The following SDR42E2 variants were observed in gnomAD, a reference collection of about 807,000 sequenced individuals.
SDR42E2 encodes the protein short chain dehydrogenase/reductase family 42E, member 2.
A neutral mutation model predicts 10.5 loss-of-function variants in SDR42E2; 20 were observed. That is an observed-to-expected ratio of 1.90 (90% CI 1.34 to 2.77). The LOEUF (loss-of-function observed/expected upper bound fraction) is 2.77, where lower values mean the gene tolerates loss of function less well. Ranked by LOEUF, SDR42E2 falls within the 30% of genes most tolerant of loss-of-function variation. The probability of loss-of-function intolerance (pLI) is 0.00; values close to 1 mark genes in which losing one functional copy is unlikely to be tolerated. For missense variants in SDR42E2, 162 were observed against 104.2 expected (o/e 1.55, Z -2.42); for synonymous variants, 72 against 39.2 (o/e 1.84, Z -3.12).
At chr16:22,180,347 C>T (rs1272301825) in intron 8 of SDR42E2, among the ~76,000 whole-genome samples, 1 of 152,026 alleles carries the variant, frequency 6.6e-6, no homozygotes, top group Admixed American at 6.6e-5. Context: ...CAGCAGTGAG[C>T]TATGATTGCA....
chr16:22,190,394 C>G lies in SDR42E2; in HGVS notation c.*1C>G, dbSNP rs1022032260. 9 of 400,146 alleles carry G rather than the reference C, an allele frequency of 2.2e-5. No homozygotes were observed. Among genetic ancestry groups the G allele is most frequent in the Admixed American group, 4.4e-5 (1 of 22,676 alleles). The allele number at this position is 400,146 out of a possible 1,614,324, so 24.8% of individuals were successfully genotyped here. On this transcript the variant is annotated 3_prime_UTR_variant, in exon 13 of 13. Coordinates refer to ENST00000602312, the MANE Select transcript of SDR42E2 (RefSeq NM_001394319.2). ...GCACGCCGCCGTGGAGCGCCTGTGACCGTCCGCCGTCCGCCGCCCGCTAGG... is the reference window on the plus strand; with the variant it reads ...GCACGCCGCCGTGGAGCGCCTGTGAGCGTCCGCCGTCCGCCGCCCGCTAGG...
At chr16:22,182,654 C>A (rs1376926326) in intron 10 of SDR42E2, among the ~76,000 whole-genome samples, 1 of 152,144 alleles carries the variant, frequency 6.6e-6, no homozygotes, top group Non-Finnish European at 1.5e-5. Flanking sequence ...GGCCTGCGGC[C>A]TTCTCTTCTT....
intron 12 of SDR42E2, among the ~76,000 whole-genome samples, chr16:22,188,620 A>G (rs2046751058): frequency 1.3e-5 from 2 of 152,216 alleles, no homozygotes; most frequent in Admixed American, 6.5e-5. Flanking sequence ...AATCACATCC[A>G]CATAAAATAG....
chr16:22,174,856 C>T (rs1047845360), intron 7 of SDR42E2, among the ~76,000 whole-genome samples: 2 of 152,132 alleles, frequency 1.3e-5, no homozygotes, highest in African/African-American at 4.8e-5. Context: ...CCTCCCCCCA[C>T]TATGCCCAGG....
In SDR42E2 at chr16:22,166,368, T is replaced by G. The variant is rs761699417; in HGVS notation, c.174T>G (p.Thr58=). The change falls in exon 3 of 13, where the codon ACT becomes ACG. Residue 58 remains threonine (T), a synonymous_variant. Coordinates refer to ENST00000602312, the MANE Select transcript of SDR42E2 (RefSeq NM_001394319.2). The stretch of plus-strand genomic sequence containing the variant: ...GATCCCACCTAGCCAAGAGCGGCAC[T>G]TCCGTCATTCTGCTTGACCGCCGCA... ...SLGSHLAKSG[T]SVILLDRRRP... 1.2e-5 allele frequency: 5 copies of G among 402,434 alleles called. No homozygotes were observed. The highest frequency in any genetic ancestry group is 8.2e-5 in the African/African-American group (4 of 48,686). The allele number at this position is 402,434 out of a possible 1,614,324, so 24.9% of individuals were successfully genotyped here. A position where few individuals can be genotyped will look rare whatever the true frequency, so the allele number is the denominator to read the frequency against.
chr16:22,166,305 A>G lies in SDR42E2; in HGVS notation c.111A>G (p.Leu37=), dbSNP rs2046538781. The G allele has an allele frequency of 7.5e-6, 3 of 402,434 alleles. No individual in the cohort carries two copies. Among genetic ancestry groups the G allele is most frequent in the Non-Finnish European group, 1.3e-5 (3 of 227,126 alleles). The allele number at this position is 402,434 out of a possible 1,614,324, so 24.9% of individuals were successfully genotyped here. A position where few individuals can be genotyped will look rare whatever the true frequency, so the allele number is the denominator to read the frequency against. ...CAAAGGCTGCCAGGCAGAAGGTTCT[A>G]GTGACTGGAGGAGGAGGCTACCTGG... ...KPTKAARQKV[L]VTGGGGYLGF... is the part of the protein sequence containing the mutation. Residue 37 remains leucine, a synonymous_variant, in exon 3 of 13, where the codon CTA becomes CTG. Coordinates refer to ENST00000602312, the MANE Select transcript of SDR42E2 (RefSeq NM_001394319.2).
chr16:22,170,697 T>C (rs945067352), intron 5 of SDR42E2, 136 bp from the exon 6 acceptor site: 3 of 652,210 alleles, frequency 4.6e-6, no homozygotes, highest in Admixed American at 4.2e-5. Flanking sequence ...GGGGTCCAAG[T>C]TGTGTGTTGA....
At chr16:22,173,420 A>G (rs1464762862) in intron 7 of SDR42E2, among the ~76,000 whole-genome samples, 2 of 152,032 alleles carry the variant, frequency 1.3e-5, no homozygotes, top group African/African-American at 4.8e-5. Context: ...GGGTTTCACC[A>G]TGTTGGTCAG....
intron 7 of SDR42E2, among the ~76,000 whole-genome samples, chr16:22,173,929 A>ATATATATATATATATATATATATG (rs60795141): frequency 6.8e-6 from 1 of 146,932 alleles, no homozygotes; most frequent in Non-Finnish European, 1.5e-5. Flanking sequence ...ATATATATAT[A>ATATATATATATATATATATATATG]GCTTTCTAAA....
At chr16:22,164,286 CG>C (rs1567235446) in intron 1 of SDR42E2, among the ~76,000 whole-genome samples, 1 of 152,036 alleles carries the variant, frequency 6.6e-6, no homozygotes, top group Non-Finnish European at 1.5e-5. Context: ...GAGCTGGATG[CG>C]GTGGCTCACA....
At chr16:22,165,825 T>C (rs2046530528) in intron 2 of SDR42E2, among the ~76,000 whole-genome samples, 188 bp downstream of exon 2, 1 of 152,192 alleles carries the variant, frequency 6.6e-6, no homozygotes, top group Non-Finnish European at 1.5e-5. Flanking sequence ...TTTCAGGGAC[T>C]GGACCAGGTC....
chr16:22,187,356 C>A (rs1297826851), intron 12 of SDR42E2, among the ~76,000 whole-genome samples: 1 of 152,130 alleles, frequency 6.6e-6, no homozygotes, highest in Admixed American at 6.5e-5. Flanking sequence ...GTGGCTCGCA[C>A]CTATAATCCC....
intron 7 of SDR42E2, 142 bp downstream of exon 7, chr16:22,172,473 T>C: frequency 1.5e-6 from 1 of 658,970 alleles, no homozygotes; most frequent in Non-Finnish European, 2.8e-6. Flanking sequence ...TGCCCATTCA[T>C]CATTCAGCAC....
chr16:22,179,610 G>A (rs541438462), intron 8 of SDR42E2, among the ~76,000 whole-genome samples: 13 of 152,076 alleles, frequency 8.5e-5, no homozygotes, highest in East Asian at 5.8e-4. Flanking sequence ...TCAGGAGTTC[G>A]AGACCAGCCT....
chr16:22,191,440 C>T lies in SDR42E2; in HGVS notation c.*1047C>T, dbSNP rs1332374999. On this transcript the variant is annotated 3_prime_UTR_variant, in exon 13 of 13. Coordinates refer to ENST00000602312, the MANE Select transcript of SDR42E2 (RefSeq NM_001394319.2). ...GCGTCGCTATGGGCTAACGCAGGCT[C>T]GGGTGACGTTGGTATGAGTTTGCGC... is the stretch of plus-strand genomic sequence containing the variant. 6.6e-6 allele frequency: 1 copy of T among 152,302 alleles called. No homozygotes were observed. Among genetic ancestry groups the T allele is most frequent in the Non-Finnish European group, 1.5e-5 (1 of 68,052 alleles). 9.4% of individuals were successfully genotyped at this position (152,302 alleles called of 1,614,324 possible).
intron 4 of SDR42E2, among the ~76,000 whole-genome samples, chr16:22,168,973 C>T (rs967795819): frequency 6.6e-6 from 1 of 152,132 alleles, no homozygotes; most frequent in East Asian, 1.9e-4. Context: ...AAGTTCTTGC[C>T]CTGTTCCTGG....
intron 1 of SDR42E2, among the ~76,000 whole-genome samples, chr16:22,163,927 C>T (rs2046515201): frequency 6.6e-6 from 1 of 152,112 alleles, no homozygotes; most frequent in Admixed American, 6.6e-5. Flanking sequence ...CCAGTATATG[C>T]CATGCAGGGC....
intron 5 of SDR42E2, among the ~76,000 whole-genome samples, chr16:22,170,613 A>G (rs926542716): frequency 2.0e-5 from 3 of 152,090 alleles, no homozygotes; most frequent in African/African-American, 7.2e-5. Context: ...CAGAGCAGGA[A>G]CTTGACCTGC....
rs1180224496 is a variant in SDR42E2, at chr16:22,170,826, G to A, written c.395-7G>A. ...TTATTTGTTGCTATGTGCACCTGCTGCTGCAGTCTGTGTTCGCCGGCGGGT... is the reference window on the plus strand; with the variant it reads ...TTATTTGTTGCTATGTGCACCTGCTACTGCAGTCTGTGTTCGCCGGCGGGT... On this transcript the variant is annotated splice_region_variant and splice_polypyrimidine_tract_variant and intron_variant, in intron 5 of 12. Coordinates refer to ENST00000602312, the MANE Select transcript of SDR42E2 (RefSeq NM_001394319.2). 1.4e-6 allele frequency: 1 copy of A among 702,890 alleles called. No homozygotes were observed. The highest frequency in any genetic ancestry group is 1.7e-5 in the African/African-American group (1 of 57,252). The allele number at this position is 702,890 out of a possible 1,614,324, so 43.5% of individuals were successfully genotyped here. A position where few individuals can be genotyped will look rare whatever the true frequency, so the allele number is the denominator to read the frequency against.
Sources: gnomAD v4.1 joint callset for allele counts (sites outside exome capture counted in the v4.1 genomes callset) on GRCh38, gnomAD v4.1.1 for gene constraint, MANE v1.5 for transcripts, NCBI Gene and HGNC (gene_info 2026-07-23, HGNC 2026-07-21) for gene names.